Variants in CRLF1 observed in about 807,000 individuals in gnomAD.
CRLF1 encodes cytokine receptor-like factor 1.
CRLF1 carries 36 observed loss-of-function variants against 48.9 expected under a neutral mutation model. The ratio of observed to expected loss-of-function variants is 0.74; its 90% CI spans 0.56 to 0.97. The LOEUF (loss-of-function observed/expected upper bound fraction) is 0.97. CRLF1 is among the 50% of genes least tolerant of loss of function. The pLI, the probability that CRLF1 is intolerant of heterozygous loss-of-function variation, is 0.00. For missense variants in CRLF1, 534 were observed against 575.1 expected (o/e 0.93, Z 0.73); for synonymous variants, 256 against 253.4 (o/e 1.01, Z -0.10).
chr19:18,596,844 GC>G (rs775250588), intron 5 of CRLF1, 47 bp downstream of exon 5: 2 of 1,613,106 alleles, frequency 1.2e-6, no homozygotes, highest in Admixed American at 3.3e-5. Flanking sequence ...AGGAGCGGGG[GC>G]GGGGCCTGGA....
At position 18,601,756 on chromosome 19, in the gene CRLF1, T is replaced by A. The variant is rs1600655566; in HGVS notation, c.116-1910A>T. 3.3e-5 allele frequency among the ~76,000 whole-genome samples: 5 copies of A among 152,274 alleles called. No homozygotes were observed. The East Asian group carries it at 9.6e-4, about 29-fold the overall frequency. The stretch of plus-strand genomic sequence containing the variant: ...TGTGTTCTGAATACTGGGCTAAGAC[T>A]ACCTACATTTTCTCGGCCAATCCTG... On this transcript the variant is annotated intron_variant, in intron 1 of 8. Transcript: ENST00000392386.
chr19:18,595,086 TCCA>T (rs1365402646), intron 6 of CRLF1, among the ~76,000 whole-genome samples: 3 of 152,170 alleles, frequency 2.0e-5, no homozygotes, highest in Non-Finnish European at 4.4e-5. Flanking sequence ...TGCCTGTCGG[TCCA>T]GCTGCCGGCT....
Position 18,600,373 on chromosome 19 carries a change from A to ATT in CRLF1, c.116-529_116-528dup, listed in dbSNP as rs35218652. 9.2e-4 allele frequency among the ~76,000 whole-genome samples: 99 copies of ATT among 107,772 alleles called. 3 individuals carry two copies. Among genetic ancestry groups the ATT allele is most frequent in the African/African-American group, 3.4e-3 (88 of 25,584 alleles). 70.7% of individuals were successfully genotyped at this position (107,772 alleles called of 152,430 possible). A position where few individuals can be genotyped will look rare whatever the true frequency, so the allele number is the denominator to read the frequency against. ...ACCACCATGCCTGACTAACTTTTGT[A>ATT]TTTTTTTTTTTTTGAGACGCAGTCT... is the stretch of plus-strand genomic sequence containing the variant. On this transcript the variant is annotated intron_variant, in intron 1 of 8. Transcript: ENST00000392386.
chr19:18,597,192 G>T, intron 4 of CRLF1, 143 bp from the exon 5 acceptor site: 1 of 752,692 alleles, frequency 1.3e-6, no homozygotes, highest in Non-Finnish European at 2.1e-6. Flanking sequence ...CAGGACTGGT[G>T]GATTACACGA....
chr19:18,594,030 G>GCGGGGGGGGGCCC, intron 8 of CRLF1, 35 bp downstream of exon 8: 4 of 1,315,310 alleles, frequency 3.0e-6, no homozygotes, highest in Non-Finnish European at 3.2e-6. Flanking sequence ...CCCTCCCCTT[G>GCGGGGGGGGGCCC]CTCCCTCCCG....
At position 18,598,442 on chromosome 19, in the gene CRLF1, G is replaced by A. The variant is rs1976172344; in HGVS notation, c.687C>T (p.Ile229=). 6.2e-7 allele frequency: 1 copy of A among 1,613,228 alleles called. No homozygotes were observed. The highest frequency in any genetic ancestry group is 8.5e-7 in the Non-Finnish European group (1 of 1,179,446). The change falls in exon 4 of 9, where the codon ATC becomes ATT. Residue 229 remains isoleucine, a synonymous_variant. Coordinates refer to ENST00000392386, the MANE Select transcript of CRLF1 (RefSeq NM_004750.5). ...ACACTGGGGGCTCACCCACATCCAG[G>A]ATATCCAGCGTGAGTACATCGGAGC... ...SARSDVLTLD[I]LDVVTTDPPP...
intron 8 of CRLF1, 35 bp downstream of exon 8, chr19:18,594,030 G>GCGGGGGGGGCCCCCCCCC: frequency 3.8e-6 from 5 of 1,315,294 alleles, no homozygotes; most frequent in Non-Finnish European, 3.2e-6. Context: ...CCCTCCCCTT[G>GCGGGGGGGGCCCCCCCCC]CTCCCTCCCG....
At chr19:18,600,734 C>T (rs1415786583) in intron 1 of CRLF1, among the ~76,000 whole-genome samples, 5 of 152,102 alleles carry the variant, frequency 3.3e-5, no homozygotes, top group Non-Finnish European at 5.9e-5. Context: ...CTCCTGACCT[C>T]GTGATCCACC....
intron 2 of CRLF1, 42 bp from the exon 3 acceptor site, chr19:18,598,943 G>T: frequency 6.2e-7 from 1 of 1,609,746 alleles, no homozygotes; most frequent in South Asian, 1.1e-5. Flanking sequence ...TGAGGGTCTG[G>T]ACTAGCTGAG....
rs1359475484 is a variant in CRLF1, at chr19:18,599,558, A to C, written c.397+7T>G. 5.0e-6 allele frequency: 8 copies of C among 1,611,986 alleles called. No homozygotes were observed. Reference sequence around the variant, plus strand: ...CTACCCCTGGGGTGTCCTGGGTGCCAACTTACGGCCAACATAGAGGCAGGA... The same window carrying C: ...CTACCCCTGGGGTGTCCTGGGTGCCCACTTACGGCCAACATAGAGGCAGGA... On this transcript the variant is annotated splice_region_variant and intron_variant, in intron 2 of 8. Transcript: ENST00000392386.
chr19:18,596,885 G>A lies in CRLF1; in HGVS notation c.855+7C>T. 3.1e-6 allele frequency: 5 copies of A among 1,613,994 alleles called. No individual in the cohort carries two copies. The highest frequency in any genetic ancestry group is 4.2e-6 in the Non-Finnish European group (5 of 1,179,960). On this transcript the variant is annotated splice_region_variant and intron_variant, in intron 5 of 8. Transcript: ENST00000392386. ...ACAGGGGCGGAGTCAGGGAAGGGGA[G>A]GGTCACCTTCCAGTCCACACTGTCC...
At position 18,598,793 on chromosome 19, in the gene CRLF1, T is replaced by A. The variant is rs768389255; in HGVS notation, c.506A>T (p.Tyr169Phe). The change falls in exon 3 of 9, where the codon TAC (tyrosine) becomes TTC (phenylalanine). Residue 169 changes from tyrosine (Y) to phenylalanine (F), a missense_variant. Around this residue, in one of 2 missense-constraint regions of CRLF1, gnomAD observed 528 missense variants for 555.7 expected, o/e 0.95. Transcript: ENST00000392386. ...CAACCTAAGCTTGTACTTGAGGGAGTAGTTGGTGTGGAGGAAGGTCTCCCC... is the reference window on the plus strand; with the variant it reads ...CAACCTAAGCTTGTACTTGAGGGAGAAGTTGGTGTGGAGGAAGGTCTCCCC... ...AHGETFLHTN[Y>F]SLKYKLRWYG... The A allele has an allele frequency of 4.3e-6, 7 of 1,612,890 alleles. No homozygotes were observed. The highest frequency in any genetic ancestry group is 5.9e-6 in the Non-Finnish European group (7 of 1,179,740).
intron 1 of CRLF1, among the ~76,000 whole-genome samples, chr19:18,602,674 G>A (rs8109611): frequency 0.22 from 33,081 of 151,960 alleles, 3,987 homozygotes; most frequent in East Asian, 0.49. Context: ...CAAACCTCAT[G>A]AGGTTGTTTG....
intron 1 of CRLF1, among the ~76,000 whole-genome samples, chr19:18,600,200 C>T: frequency 6.6e-6 from 1 of 152,072 alleles, no homozygotes; most frequent in East Asian, 1.9e-4. Flanking sequence ...AAACACTATG[C>T]TTTGCTTTTT....
intron 8 of CRLF1, 33 bp downstream of exon 8, chr19:18,594,032 T>TTTGGGCC: frequency 8.6e-6 from 6 of 695,808 alleles, no homozygotes; most frequent in African/African-American, 2.1e-5. Context: ...CTCCCCTTGC[T>TTTGGGCC]CCCTCCCGCC....
chr19:18,593,738 T>A, intron 8 of CRLF1, 159 bp from the exon 9 acceptor site: 1 of 983,070 alleles, frequency 1.0e-6, no homozygotes, highest in Non-Finnish European at 1.2e-6. Flanking sequence ...CGAGGCTATC[T>A]GAGCTGCAGG....
At chr19:18,594,032 T>TTGGGGGGCCCCC in intron 8 of CRLF1, 33 bp downstream of exon 8, 1 of 695,814 alleles carries the variant, frequency 1.4e-6, no homozygotes, top group Non-Finnish European at 2.2e-6. Context: ...CTCCCCTTGC[T>TTGGGGGGCCCCC]CCCTCCCGCC....
intron 1 of CRLF1, among the ~76,000 whole-genome samples, chr19:18,602,677 G>T (rs1976235187): frequency 6.6e-6 from 1 of 151,920 alleles, no homozygotes; most frequent in African/African-American, 2.4e-5. Flanking sequence ...ACCTCATGAG[G>T]TTGTTTGAGA....
chr19:18,594,030 G>GGGGGGGGGCC, intron 8 of CRLF1, 35 bp downstream of exon 8: 8 of 1,315,252 alleles, frequency 6.1e-6, no homozygotes, highest in East Asian at 2.6e-5. Context: ...CCCTCCCCTT[G>GGGGGGGGGCC]CTCCCTCCCG....
Sources: gnomAD v4.1 joint callset for allele counts (sites outside exome capture counted in the v4.1 genomes callset) on GRCh38, gnomAD v4.1.1 for gene constraint, gnomAD v4.1.1 regional missense constraint, MANE v1.5 for transcripts, NCBI Gene and HGNC (gene_info 2026-07-23, HGNC 2026-07-21) for gene names.